The following CDH13 variants were observed in gnomAD, a reference collection of about 807,000 sequenced individuals.
CDH13 encodes the protein cadherin-13.
CDH13 carries 24 observed loss-of-function variants against 63.8 expected under a neutral mutation model. That is an observed-to-expected ratio of 0.38 (90% CI 0.27 to 0.53). The LOEUF is 0.53. CDH13 is among the 20% of genes least tolerant of loss of function. CDH13 has a pLI of 0.85. For missense variants in CDH13, 1,049 were observed against 903.1 expected, an observed-to-expected ratio of 1.16 and a Z score of -2.07; for synonymous variants, 503 against 355.3, an observed-to-expected ratio of 1.42 and a Z score of -4.67.
In CDH13 at chr16:83,643,559, C is replaced by T. The variant is rs80237192; in HGVS notation, c.1102-27231C>T. Among the ~76,000 whole-genome samples, 833 of 152,162 alleles carry T rather than the reference C, an allele frequency of 5.5e-3. 6 individuals are homozygous for T. Among genetic ancestry groups the T allele is most frequent in the African/African-American group, 0.02 (810 of 41,528 alleles). ...AGAGAGTTTAACCCAGCACCTGCTA[C>T]ATAGTAATGTCTTTGTTGATGTTAT... On this transcript the variant is annotated intron_variant, in intron 8 of 13. Transcript: ENST00000567109.
intron 5 of CDH13, among the ~76,000 whole-genome samples, chr16:83,242,042 T>C (rs1904508228): frequency 6.6e-6 from 1 of 152,274 alleles, no homozygotes; most frequent in East Asian, 1.9e-4. Flanking sequence ...CTAAGTTCAG[T>C]TTTGCTTGTG....
At chr16:83,539,658 G>C (rs374856786) in intron 7 of CDH13, among the ~76,000 whole-genome samples, 1 of 152,208 alleles carries the variant, frequency 6.6e-6, no homozygotes, top group Non-Finnish European at 1.5e-5. Flanking sequence ...CATTTTCTAC[G>C]TGTCACTCAT....
At chr16:83,790,789 C>A (rs1326288639) in intron 13 of CDH13, among the ~76,000 whole-genome samples, 1 of 152,192 alleles carries the variant, frequency 6.6e-6, no homozygotes, top group Non-Finnish European at 1.5e-5. Context: ...GGCAAGCCGG[C>A]ATTGCCATTA....
chr16:83,570,541 C>T (rs988920180), intron 7 of CDH13, among the ~76,000 whole-genome samples: 6 of 151,914 alleles, frequency 3.9e-5, no homozygotes, highest in East Asian at 1.9e-4. Context: ...GGAACAGCCT[C>T]GCTGCTTTAC....
chr16:83,482,836 A>G (rs1326137116), intron 6 of CDH13, among the ~76,000 whole-genome samples: 1 of 152,158 alleles, frequency 6.6e-6, no homozygotes, highest in Non-Finnish European at 1.5e-5. Flanking sequence ...GGGAGAAGGG[A>G]CCCGGTGAGA....
intron 8 of CDH13, among the ~76,000 whole-genome samples, chr16:83,659,875 C>G (rs1288004231): frequency 6.6e-6 from 1 of 151,420 alleles, no homozygotes; most frequent in Non-Finnish European, 1.5e-5. Flanking sequence ...CAACCTCCAC[C>G]TCCCGGGTTC....
intron 1 of CDH13, among the ~76,000 whole-genome samples, chr16:82,716,929 G>A (rs74028574): frequency 6.6e-6 from 1 of 152,082 alleles, no homozygotes; most frequent in African/African-American, 2.4e-5. Flanking sequence ...TCCCGGTGTA[G>A]AGTTTGGTGT....
At chr16:82,691,649 G>A (rs930669612) in intron 1 of CDH13, among the ~76,000 whole-genome samples, 1 of 152,134 alleles carries the variant, frequency 6.6e-6, no homozygotes, top group African/African-American at 2.4e-5. Flanking sequence ...TACATTATAA[G>A]CCTGTTGTAC....
At chr16:82,934,599 C>T (rs1217772583) in intron 2 of CDH13, among the ~76,000 whole-genome samples, 1 of 152,196 alleles carries the variant, frequency 6.6e-6, no homozygotes, top group Non-Finnish European at 1.5e-5. Context: ...TTTTCTATTG[C>T]ATTGTCAGGT....
chr16:83,151,063 G>C (rs1050623682), intron 4 of CDH13, among the ~76,000 whole-genome samples: 1 of 152,148 alleles, frequency 6.6e-6, no homozygotes, highest in Non-Finnish European at 1.5e-5. Flanking sequence ...GAAGTAAAGT[G>C]AAATCAATCT....
chr16:83,488,565 T>C (rs1232812520), intron 7 of CDH13, among the ~76,000 whole-genome samples: 1 of 152,070 alleles, frequency 6.6e-6, no homozygotes, highest in Non-Finnish European at 1.5e-5. Context: ...AATGAGTCCA[T>C]TATATTCATT....
At chr16:82,651,406 A>G (rs1427871701) in intron 1 of CDH13, among the ~76,000 whole-genome samples, 1 of 152,228 alleles carries the variant, frequency 6.6e-6, no homozygotes, top group Non-Finnish European at 1.5e-5. Context: ...GACATTTTGC[A>G]GTTAAGAAAA....
chr16:83,153,287 G>A (rs1452676388), intron 4 of CDH13, among the ~76,000 whole-genome samples: 3 of 151,932 alleles, frequency 2.0e-5, no homozygotes, highest in Non-Finnish European at 4.4e-5. Flanking sequence ...TCCTGAGTTG[G>A]GGGTCATAAG....
At chr16:82,881,031 C>G (rs982443728) in intron 2 of CDH13, among the ~76,000 whole-genome samples, 2 of 152,194 alleles carry the variant, frequency 1.3e-5, no homozygotes, top group African/African-American at 4.8e-5. Flanking sequence ...TATCTTGACC[C>G]TTTCAAATGG....
At chr16:82,780,858 A>G (rs533700931) in intron 1 of CDH13, among the ~76,000 whole-genome samples, 35 of 152,374 alleles carry the variant, frequency 2.3e-4, no homozygotes, top group African/African-American at 7.9e-4. Context: ...AACCCGATAC[A>G]CAAAAACAAG....
chr16:82,981,134 C>G (rs1910205567), intron 2 of CDH13, among the ~76,000 whole-genome samples: 1 of 152,138 alleles, frequency 6.6e-6, no homozygotes, highest in African/African-American at 2.4e-5. Context: ...TTCCATTGAG[C>G]TGTTTATGAA....
chr16:82,885,035 G>C (rs1044749675), intron 2 of CDH13, among the ~76,000 whole-genome samples: 4 of 152,202 alleles, frequency 2.6e-5, no homozygotes, highest in African/African-American at 4.8e-5. Context: ...TTGTGTTTTG[G>C]CTGTGTATTC....
At chr16:83,608,793 C>A (rs964499483) in intron 8 of CDH13, among the ~76,000 whole-genome samples, 1 of 151,862 alleles carries the variant, frequency 6.6e-6, no homozygotes, top group African/African-American at 2.4e-5. Flanking sequence ...AAGGCATGAG[C>A]CACTGTGCCC....
intron 2 of CDH13, among the ~76,000 whole-genome samples, chr16:82,936,838 G>A (rs2042683434): frequency 8.2e-6 from 1 of 121,474 alleles, no homozygotes; most frequent in South Asian, 2.3e-4. Flanking sequence ...GAGTGGGGGA[G>A]GTACACTTCG....
Sources: allele counts gnomAD v4.1 joint callset (sites outside exome capture counted in the v4.1 genomes callset), GRCh38; gene constraint gnomAD v4.1.1; transcripts MANE v1.5; gene names NCBI Gene and HGNC (gene_info 2026-07-23, HGNC 2026-07-21).